Variants in TRIP12 observed in about 807,000 individuals in gnomAD.
TRIP12 encodes the protein E3 ubiquitin-protein ligase TRIP12.
In TRIP12, 25 loss-of-function variants were observed where a neutral mutation model predicts 244.2. The observed-to-expected ratio is 0.10, with a 90% CI of 0.07 to 0.14. TRIP12 has a LOEUF of 0.14. TRIP12 is among the 10% of genes least tolerant of loss of function. The pLI, the probability that TRIP12 is intolerant of heterozygous loss-of-function variation, is 1.00. For missense variants in TRIP12, 1,677 were observed against 2,486.4 expected (o/e 0.67, Z 6.92); for synonymous variants, 905 against 873.1 (o/e 1.04, Z -0.64).
chr2:229,900,862 T>TA lies in TRIP12; in HGVS notation c.-49-20735dup, dbSNP rs774208884. On this transcript the variant is annotated intron_variant, in intron 1 of 41. Transcript: ENST00000675903. ...GGGCAACAGAGGGAGACTCTGTCTT[T>TA]AAAAAAAAAAAAAAGTACTGCCTAC... The TA allele has an allele frequency of 7.1e-3, 994 of 140,512 alleles. 8 individuals are homozygous for TA. The highest frequency in any genetic ancestry group is 0.02 in the African/African-American group (761 of 38,424). 8.7% of individuals were successfully genotyped at this position (140,512 alleles called of 1,614,324 possible).
At chr2:229,848,507 G>C (rs192554825) in intron 4 of TRIP12, among the ~76,000 whole-genome samples, 1 of 152,194 alleles carries the variant, frequency 6.6e-6, no homozygotes, top group Non-Finnish European at 1.5e-5. Flanking sequence ...CATTTCAAGA[G>C]AAAAGTTGGA....
In TRIP12 at chr2:229,913,870, G is replaced by A. The variant is rs903219169; in HGVS notation, c.-50+8010C>T. On this transcript the variant is annotated intron_variant, in intron 1 of 41. Coordinates refer to ENST00000675903, the MANE Select transcript of TRIP12 (RefSeq NM_001348323.3). ...AACAACTAATTATGTAAGACAGAAC[G>A]TGAAAGTCATCCTGAAATATGTTAC... 3.3e-5 allele frequency among the ~76,000 whole-genome samples: 5 copies of A among 152,174 alleles called. No homozygotes were observed. In the East Asian group the frequency reaches 7.7e-4, roughly 23 times the overall value.
intron 8 of TRIP12, among the ~76,000 whole-genome samples, chr2:229,826,686 C>T (rs747018006): frequency 2.0e-5 from 3 of 152,138 alleles, no homozygotes; most frequent in Non-Finnish European, 4.4e-5. Flanking sequence ...GCCCATTGCT[C>T]CTAGGCTAGA....
At chr2:229,918,009 C>T (rs1010137854) in intron 1 of TRIP12, among the ~76,000 whole-genome samples, 1 of 152,126 alleles carries the variant, frequency 6.6e-6, no homozygotes, top group Non-Finnish European at 1.5e-5. Context: ...ACCACATTGA[C>T]ATGAAATCAT....
At chr2:229,891,624 C>T (rs1253925854) in intron 1 of TRIP12, among the ~76,000 whole-genome samples, 1 of 151,942 alleles carries the variant, frequency 6.6e-6, no homozygotes, top group Non-Finnish European at 1.5e-5. Context: ...AACAAAAACA[C>T]CAAAAGAAAT....
chr2:229,801,716 T>C (rs542710032), intron 21 of TRIP12, among the ~76,000 whole-genome samples: 1 of 152,328 alleles, frequency 6.6e-6, no homozygotes, highest in African/African-American at 2.4e-5. Flanking sequence ...GATAAATAAA[T>C]GGGAGTAGAG....
chr2:229,788,889 A>G lies in TRIP12; in HGVS notation c.4747T>C (p.Leu1583=). 6.2e-7 allele frequency: 1 copy of G among 1,613,868 alleles called. No homozygotes were observed. Among genetic ancestry groups the G allele is most frequent in the Non-Finnish European group, 8.5e-7 (1 of 1,179,868 alleles). The stretch of plus-strand genomic sequence containing the variant: ...AGTTGCCTATTTGCTTTTGCTGTTA[A>G]CTTACTGTTAATAAATTCACTAGTT... ...IPTSEFINSK[L]TAKANRQLQD... Residue 1583 remains leucine, a synonymous_variant, in exon 32 of 42, where the codon TTA becomes CTA. Transcript: ENST00000675903.
At chr2:229,866,314 C>T (rs2061501003) in intron 2 of TRIP12, among the ~76,000 whole-genome samples, 1 of 152,170 alleles carries the variant, frequency 6.6e-6, no homozygotes, top group South Asian at 2.1e-4. Flanking sequence ...GAAAATGCTG[C>T]TTATGGCATT....
At chr2:229,822,487 A>C (rs947288225) in intron 8 of TRIP12, among the ~76,000 whole-genome samples, 3 of 152,240 alleles carry the variant, frequency 2.0e-5, no homozygotes, top group Non-Finnish European at 2.9e-5. Flanking sequence ...GAGTCATACC[A>C]AAATTACCAG....
chr2:229,856,141 C>T (rs377006650), intron 4 of TRIP12, among the ~76,000 whole-genome samples: 14 of 151,714 alleles, frequency 9.2e-5, no homozygotes, highest in African/African-American at 3.2e-4. Flanking sequence ...GCTACACAAA[C>T]GCTGGTTCCA....
chr2:229,865,318 CA>C (rs767610234), intron 2 of TRIP12, among the ~76,000 whole-genome samples: 20 of 66,980 alleles, frequency 3.0e-4, no homozygotes, highest in African/African-American at 1.5e-3. Context: ...CTCTCAACTA[CA>C]AAAAAAAAAA....
intron 2 of TRIP12, among the ~76,000 whole-genome samples, chr2:229,876,566 G>A (rs541192814): frequency 5.3e-5 from 8 of 152,244 alleles, no homozygotes; most frequent in Admixed American, 3.9e-4. Flanking sequence ...AAATCTAATC[G>A]AGTTCCATCT....
intron 17 of TRIP12, chr2:229,807,468 A>G (rs2046159790): frequency 1.9e-6 from 1 of 538,140 alleles, no homozygotes; most frequent in Admixed American, 3.2e-5. Flanking sequence ...CTATGGAACA[A>G]CAAACTTAAA....
chr2:229,851,233 C>T lies in TRIP12; in HGVS notation c.1027+7539G>A, dbSNP rs535869103. Among the ~76,000 whole-genome samples, 30 of 151,992 alleles carry T rather than the reference C, an allele frequency of 2.0e-4. No homozygotes were observed. The East Asian group carries it at 4.7e-3, about 24-fold the overall frequency. On this transcript the variant is annotated intron_variant, in intron 4 of 41. Transcript: ENST00000675903. The stretch of plus-strand genomic sequence containing the variant: ...TATGTCTAGCTCAGGGATTGTAAAT[C>T]GGCACTCTGTATCTAGCTCAAGGTT...
At chr2:229,808,454 A>G (rs1177983758) in intron 15 of TRIP12, 85 bp from the exon 16 acceptor site, 1 of 818,226 alleles carries the variant, frequency 1.2e-6, no homozygotes, top group Admixed American at 2.2e-5. Flanking sequence ...CAAGGGGGGA[A>G]AATAATCAGA....
At chr2:229,804,788 T>C (rs1338732981) in intron 18 of TRIP12, among the ~76,000 whole-genome samples, 1 of 152,196 alleles carries the variant, frequency 6.6e-6, no homozygotes, top group East Asian at 1.9e-4. Context: ...GCCATGTACA[T>C]TTGTTCACAT....
chr2:229,834,751 CT>C (rs1476600189), intron 6 of TRIP12, among the ~76,000 whole-genome samples: 1 of 151,766 alleles, frequency 6.6e-6, no homozygotes, highest in African/African-American at 2.4e-5. Flanking sequence ...CAGAGAGAAA[CT>C]TTTCCTCAAA....
At chr2:229,917,618 T>C (rs1395249118) in intron 1 of TRIP12, among the ~76,000 whole-genome samples, 4 of 151,872 alleles carry the variant, frequency 2.6e-5, no homozygotes, top group Non-Finnish European at 4.4e-5. Context: ...ACAGTTGATA[T>C]CCATCCAGGC....
In TRIP12 at chr2:229,817,905, C is replaced by T. The variant is rs574688740; in HGVS notation, c.1599+459G>A. Reference sequence around the variant, plus strand: ...ACATTGCCACTGGCCAACATAAAAGCTTTTAAACTGAAAGGATCCACATAT... The same window carrying T: ...ACATTGCCACTGGCCAACATAAAAGTTTTTAAACTGAAAGGATCCACATAT... On this transcript the variant is annotated intron_variant, in intron 9 of 41. Transcript: ENST00000675903. Among the ~76,000 whole-genome samples, 5 of 152,126 alleles carry T rather than the reference C, an allele frequency of 3.3e-5. No homozygotes were observed. The East Asian group carries it at 5.8e-4, about 18-fold the overall frequency.
Sources: gnomAD v4.1 joint callset for allele counts (sites outside exome capture counted in the v4.1 genomes callset) on GRCh38, gnomAD v4.1.1 for gene constraint, MANE v1.5 for transcripts, NCBI Gene and HGNC (gene_info 2026-07-23, HGNC 2026-07-21) for gene names.